KANK1: variants seen among roughly 807,000 people sequenced by gnomAD.
The protein encoded by KANK1 is KN motif and ankyrin repeat domain-containing protein 1.
Under a neutral mutation model 106.2 loss-of-function variants are expected in KANK1, and 109 were observed. The ratio of observed to expected loss-of-function variants is 1.03; its 90% CI spans 0.88 to 1.20. The LOEUF (loss-of-function observed/expected upper bound fraction) is 1.20. Among genes scored for constraint, KANK1 ranks in the 50% most tolerant of loss-of-function variants. The probability of loss-of-function intolerance (pLI) is 0.00; values close to 1 mark genes in which losing one functional copy is unlikely to be tolerated. For missense variants in KANK1, 2,399 were observed against 1,710.7 expected, an observed-to-expected ratio of 1.40 and a Z score of -7.10; for synonymous variants, 873 against 652.2, an observed-to-expected ratio of 1.34 and a Z score of -5.16.
chr9:496,493 G>A (rs1053502354), intron 3 of KANK1, among the ~76,000 whole-genome samples: 13 of 152,158 alleles, frequency 8.5e-5, no homozygotes, highest in African/African-American at 2.2e-4. Flanking sequence ...AGAGGTGGAC[G>A]TTGCAGTGAG....
intron 1 of KANK1, among the ~76,000 whole-genome samples, chr9:541,864 C>T (rs1003312499): frequency 2.6e-4 from 39 of 151,762 alleles, no homozygotes; most frequent in Non-Finnish European, 4.0e-4. Flanking sequence ...TCGAGGCGGG[C>T]GGATCACGAG....
intron 2 of KANK1, among the ~76,000 whole-genome samples, chr9:695,019 A>AC (rs1460359173): frequency 6.6e-5 from 10 of 151,894 alleles, no homozygotes; most frequent in South Asian, 2.1e-4. Flanking sequence ...AGTTCCACTG[A>AC]CCCCCCTCAT....
intron 1 of KANK1, among the ~76,000 whole-genome samples, chr9:668,334 A>G (rs1845129927): frequency 7.7e-6 from 1 of 130,432 alleles, no homozygotes; most frequent in Admixed American, 8.3e-5. Context: ...GTCCTCCACT[A>G]TTATTGTATT....
At chr9:594,685 A>G (rs1215768595) in intron 1 of KANK1, among the ~76,000 whole-genome samples, 2 of 151,870 alleles carry the variant, frequency 1.3e-5, no homozygotes, top group African/African-American at 4.9e-5. Context: ...TCTGATCCAC[A>G]ATTATAGATG....
intron 2 of KANK1, among the ~76,000 whole-genome samples, chr9:693,172 C>T (rs775528832): frequency 1.6e-4 from 25 of 152,222 alleles, no homozygotes; most frequent in Middle Eastern, 3.4e-3. Context: ...CTATGGTTTA[C>T]GAATGGTGAT....
chr9:623,894 A>G (rs987953746), intron 1 of KANK1, among the ~76,000 whole-genome samples: 2 of 152,200 alleles, frequency 1.3e-5, no homozygotes, highest in Non-Finnish European at 1.5e-5. Context: ...TTTAAAAGAC[A>G]TCAAATTAGT....
chr9:668,954 G>C (rs1056037130), intron 1 of KANK1, among the ~76,000 whole-genome samples: 6 of 152,154 alleles, frequency 3.9e-5, no homozygotes, highest in African/African-American at 1.4e-4. Context: ...GACAGGAGGT[G>C]GAGCAGGCAG....
intron 1 of KANK1, among the ~76,000 whole-genome samples, chr9:638,298 C>A (rs1214846290): frequency 6.6e-6 from 1 of 152,150 alleles, no homozygotes; most frequent in Non-Finnish European, 1.5e-5. Context: ...ATGTGGTAAA[C>A]GCCTTCTTGC....
intron 3 of KANK1, among the ~76,000 whole-genome samples, chr9:719,074 C>T (rs192708129): frequency 5.5e-4 from 83 of 150,782 alleles, no homozygotes; most frequent in African/African-American, 1.9e-3. Flanking sequence ...ATTGTCCTGC[C>T]TCAGCCTCCT....
intron 1 of KANK1, among the ~76,000 whole-genome samples, chr9:643,225 G>C (rs1192023579): frequency 6.6e-6 from 1 of 150,898 alleles, no homozygotes; most frequent in Admixed American, 6.6e-5. Context: ...GTGTTTGTGT[G>C]TGTCTGTATT....
chr9:691,757 G>C (rs1404461346), intron 2 of KANK1, among the ~76,000 whole-genome samples: 1 of 149,438 alleles, frequency 6.7e-6, no homozygotes, highest in Non-Finnish European at 1.5e-5. Flanking sequence ...GAGACTACAG[G>C]GGCAAGCCAG....
chr9:514,238 CCCTT>C (rs1211965948), intron 1 of KANK1, among the ~76,000 whole-genome samples: 10 of 94,840 alleles, frequency 1.1e-4, no homozygotes, highest in South Asian at 3.4e-4. Context: ...CTCCCTCCCT[CCCTT>C]CCTTCCTTCC....
intron 3 of KANK1, among the ~76,000 whole-genome samples, chr9:716,140 T>G (rs954690418): frequency 2.0e-5 from 3 of 152,240 alleles, no homozygotes; most frequent in Non-Finnish European, 4.4e-5. Flanking sequence ...TGATCACTTA[T>G]ATGAACCTAA....
chr9:591,929 G>A (rs973757797), intron 1 of KANK1, among the ~76,000 whole-genome samples: 1 of 151,648 alleles, frequency 6.6e-6, no homozygotes, highest in Non-Finnish European at 1.5e-5. Flanking sequence ...AAAATGCTGG[G>A]ATTACAGGAG....
intron 1 of KANK1, among the ~76,000 whole-genome samples, chr9:663,519 C>A (rs1284076298): frequency 2.6e-5 from 4 of 152,196 alleles, no homozygotes; most frequent in African/African-American, 9.6e-5. Context: ...AGTTGGTTAA[C>A]TGAAAAAGAG....
At chr9:630,301 A>G (rs1220255949) in intron 1 of KANK1, among the ~76,000 whole-genome samples, 1 of 151,888 alleles carries the variant, frequency 6.6e-6, no homozygotes, top group Non-Finnish European at 1.5e-5. Context: ...CACGCCTGTA[A>G]TCCCAGCACT....
intron 1 of KANK1, among the ~76,000 whole-genome samples, chr9:651,078 C>A (rs765498340): frequency 1.3e-5 from 2 of 152,132 alleles, no homozygotes; most frequent in African/African-American, 4.8e-5. Context: ...CACAAAAAGT[C>A]CTCATCTGTG....
chr9:552,837 C>T (rs781212328), intron 1 of KANK1, among the ~76,000 whole-genome samples: 8 of 152,162 alleles, frequency 5.3e-5, no homozygotes, highest in Non-Finnish European at 1.2e-4. Context: ...ACCATGTGAT[C>T]CTTTGTTAGA....
At chr9:610,880 G>C (rs936360957) in intron 1 of KANK1, among the ~76,000 whole-genome samples, 1 of 152,116 alleles carries the variant, frequency 6.6e-6, no homozygotes, top group African/African-American at 2.4e-5. Context: ...AGGGAAAGAG[G>C]CCAGTACGCA....
Sources: gnomAD v4.1 joint callset for allele counts (sites outside exome capture counted in the v4.1 genomes callset) on GRCh38, gnomAD v4.1.1 for gene constraint, MANE v1.5 for transcripts, NCBI Gene and HGNC (gene_info 2026-07-23, HGNC 2026-07-21) for gene names.